The following SLC10A7 variants were observed in gnomAD, a reference collection of about 807,000 sequenced individuals.
The protein encoded by SLC10A7 is solute carrier family 10 member 7, also known as sodium/bile acid cotransporter 7.
A neutral mutation model predicts 43.2 loss-of-function variants in SLC10A7; 29 were observed. That is an observed-to-expected ratio of 0.67 (90% CI 0.50 to 0.92). The LOEUF is 0.92. Among genes scored for constraint, SLC10A7 ranks in the 40% least tolerant of loss-of-function variants. The probability of loss-of-function intolerance (pLI) is 0.00; values close to 1 mark genes in which losing one functional copy is unlikely to be tolerated. For missense variants in SLC10A7, 295 were observed against 403.2 expected (o/e 0.73, Z 2.30); for synonymous variants, 152 against 144.8 (o/e 1.05, Z -0.35).
At chr4:146,278,922 T>C (rs1266720189) in intron 10 of SLC10A7, among the ~76,000 whole-genome samples, 3 of 152,196 alleles carry the variant, frequency 2.0e-5, no homozygotes, top group Non-Finnish European at 4.4e-5. Flanking sequence ...GCACAGGTTC[T>C]TGTCATAGTT....
Position 146,283,226 on chromosome 4 carries a change from G to A in SLC10A7, c.813C>T (p.Ile271=). The A allele has an allele frequency of 6.2e-7, 1 of 1,613,350 alleles. No homozygotes were observed. The change falls in exon 10 of 12, where the codon ATC becomes ATT. Residue 271 remains isoleucine (I), a synonymous_variant. Coordinates refer to ENST00000335472, the MANE Select transcript of SLC10A7 (RefSeq NM_001029998.6). ...SGFTPADTVA[I]IFCSTHKSLT... is the part of the protein sequence containing the mutation. ...GGGATTTGTGTGTAGAACAGAAAATGATAGCCACTGTGTCTGCTGGTGTGA... is the reference window on the plus strand; with the variant it reads ...GGGATTTGTGTGTAGAACAGAAAATAATAGCCACTGTGTCTGCTGGTGTGA...
chr4:146,521,887 C>G lies in SLC10A7; in HGVS notation c.-170G>C. The G allele has an allele frequency of 3.3e-6, 2 of 598,278 alleles. No homozygotes were observed. Among genetic ancestry groups the G allele is most frequent in the Non-Finnish European group, 5.9e-6 (2 of 338,994 alleles). 37.1% of individuals were successfully genotyped at this position (598,278 alleles called of 1,614,324 possible). On this transcript the variant is annotated 5_prime_UTR_variant, in exon 1 of 12. Transcript: ENST00000335472. ...AAAGACCTGGGGGTTGCTCCGGCGG[C>G]TTTGAGGAGGGTTGGGAGTAGTAGT...
At position 146,354,114 on chromosome 4, in the gene SLC10A7, G is replaced by A. The variant is rs1206661484; in HGVS notation, c.436-28118C>T. On this transcript the variant is annotated intron_variant, in intron 5 of 11. Coordinates refer to ENST00000335472, the MANE Select transcript of SLC10A7 (RefSeq NM_001029998.6). ...AGTCAAATTGTCCCTGTTTGCAGAC[G>A]ACATGATTGTTTATTTAGAAAACCC... 4.7e-5 allele frequency among the ~76,000 whole-genome samples: 7 copies of A among 148,202 alleles called. No individual in the cohort carries two copies. In the East Asian group the frequency reaches 6.1e-4, roughly 13 times the overall value.
intron 5 of SLC10A7, among the ~76,000 whole-genome samples, chr4:146,328,408 C>A (rs1733306838): frequency 6.6e-6 from 1 of 152,228 alleles, no homozygotes; most frequent in South Asian, 2.1e-4. Flanking sequence ...TGCCTATGGA[C>A]AACATTCCAG....
At chr4:146,349,085 C>T (rs766940295) in intron 5 of SLC10A7, among the ~76,000 whole-genome samples, 7 of 152,120 alleles carry the variant, frequency 4.6e-5, no homozygotes, top group Non-Finnish European at 1.0e-4. Flanking sequence ...GTTTTCTCAG[C>T]TCTTATTTTT....
intron 3 of SLC10A7, among the ~76,000 whole-genome samples, chr4:146,509,099 C>A (rs1279483847): frequency 1.3e-5 from 2 of 152,184 alleles, no homozygotes; most frequent in Non-Finnish European, 2.9e-5. Flanking sequence ...AGCCTGCCCA[C>A]CCAACCACTT....
At chr4:146,436,256 C>A (rs1730205287) in intron 5 of SLC10A7, among the ~76,000 whole-genome samples, 1 of 152,006 alleles carries the variant, frequency 6.6e-6, no homozygotes, top group South Asian at 2.1e-4. Context: ...AGGTACAGAT[C>A]CTATACATTT....
intron 10 of SLC10A7, among the ~76,000 whole-genome samples, chr4:146,264,207 A>G (rs944017265): frequency 6.6e-6 from 1 of 152,224 alleles, no homozygotes; most frequent in Non-Finnish European, 1.5e-5. Flanking sequence ...TCTATTTTAA[A>G]TATGTTTATT....
intron 4 of SLC10A7, among the ~76,000 whole-genome samples, chr4:146,484,182 T>C (rs547579175): frequency 2.6e-5 from 4 of 152,126 alleles, no homozygotes; most frequent in Non-Finnish European, 4.4e-5. Context: ...TGATACCTTG[T>C]CTCTACAAAA....
intron 6 of SLC10A7, among the ~76,000 whole-genome samples, chr4:146,309,307 T>A (rs574046691): frequency 2.0e-5 from 3 of 152,152 alleles, no homozygotes; most frequent in African/African-American, 7.2e-5. Context: ...GGACACTATG[T>A]CATTCACATT....
intron 4 of SLC10A7, among the ~76,000 whole-genome samples, chr4:146,483,243 A>G (rs1240492167): frequency 6.6e-6 from 1 of 152,224 alleles, no homozygotes; most frequent in African/African-American, 2.4e-5. Context: ...TCTAGTATGA[A>G]GGTTAAAAGT....
intron 4 of SLC10A7, among the ~76,000 whole-genome samples, chr4:146,462,115 G>T (rs900784353): frequency 6.6e-6 from 1 of 151,682 alleles, no homozygotes; most frequent in Admixed American, 6.6e-5. Flanking sequence ...TTCAATAATT[G>T]CTATAAAATG....
intron 5 of SLC10A7, among the ~76,000 whole-genome samples, chr4:146,374,211 T>C (rs1322054041): frequency 3.9e-5 from 6 of 152,280 alleles, no homozygotes; most frequent in Middle Eastern, 3.4e-3. Flanking sequence ...CGAGATTACA[T>C]GAGATGACAC....
intron 5 of SLC10A7, among the ~76,000 whole-genome samples, chr4:146,421,222 C>G (rs1003020435): frequency 2.0e-5 from 3 of 152,100 alleles, no homozygotes; most frequent in Admixed American, 2.0e-4. Flanking sequence ...TTGGTAGAGA[C>G]TCCTCCTCCA....
At chr4:146,503,733 T>C (rs987365044) in intron 4 of SLC10A7, 116 bp downstream of exon 4, 4 of 821,222 alleles carry the variant, frequency 4.9e-6, no homozygotes, top group South Asian at 1.6e-5. Flanking sequence ...TTTCACAAGC[T>C]GCTATGGCTA....
chr4:146,288,247 G>C (rs1198708640), intron 9 of SLC10A7, among the ~76,000 whole-genome samples: 1 of 152,212 alleles, frequency 6.6e-6, no homozygotes, highest in African/African-American at 2.4e-5. Context: ...CTGGAGCGCT[G>C]TATCGGGGAA....
At chr4:146,362,093 T>G (rs113238180) in intron 5 of SLC10A7, among the ~76,000 whole-genome samples, 1 of 151,734 alleles carries the variant, frequency 6.6e-6, no homozygotes, top group Non-Finnish European at 1.5e-5. Flanking sequence ...CTACAAGACA[T>G]AGAAAATAGC....
At chr4:146,321,442 T>C (rs1481426097) in intron 6 of SLC10A7, among the ~76,000 whole-genome samples, 1 of 152,090 alleles carries the variant, frequency 6.6e-6, no homozygotes, top group African/African-American at 2.4e-5. Flanking sequence ...TTCCAGTATG[T>C]CCTCATCTTA....
At chr4:146,437,922 A>T (rs1432200729) in intron 5 of SLC10A7, among the ~76,000 whole-genome samples, 2 of 152,090 alleles carry the variant, frequency 1.3e-5, no homozygotes, top group Non-Finnish European at 2.9e-5. Flanking sequence ...TTGGAAACTC[A>T]GTTTGGCATG....
Sources: allele counts gnomAD v4.1 joint callset (sites outside exome capture counted in the v4.1 genomes callset), GRCh38; gene constraint gnomAD v4.1.1; transcripts MANE v1.5; gene names NCBI Gene and HGNC (gene_info 2026-07-23, HGNC 2026-07-21).